DMD: variants seen among roughly 807,000 people sequenced by gnomAD.
DMD encodes the protein dystrophin, also known as mutant dystrophin.
Under a neutral mutation model 330.1 loss-of-function variants are expected in DMD, and 63 were observed. That is an observed-to-expected ratio of 0.19 (90% CI 0.16 to 0.24). DMD has a LOEUF of 0.24. Ranked by LOEUF, DMD falls within the 10% of genes least tolerant of loss-of-function variation. The probability of loss-of-function intolerance (pLI) is 1.00; values close to 1 mark genes in which losing one functional copy is unlikely to be tolerated. For missense variants in DMD, 3,344 were observed against 2,684.1 expected (o/e 1.25, Z -5.43); for synonymous variants, 1,223 against 959.8 (o/e 1.27, Z -5.07).
chrX:31,515,228 C>T (rs763359332), intron 55 of DMD, among the ~76,000 whole-genome samples: 47 of 111,425 alleles, frequency 4.2e-4, no homozygotes, highest in Non-Finnish European at 7.7e-4. Flanking sequence ...AACCATTAAG[C>T]AGATGGTTGT....
chrX:32,184,295 A>T (rs1300472940), intron 44 of DMD, among the ~76,000 whole-genome samples: 2 of 111,157 alleles, frequency 1.8e-5, no homozygotes, highest in South Asian at 7.4e-4. Context: ...TAAACATAAA[A>T]ATAAAATTTT....
At chrX:32,535,894 C>T (rs940877703) in intron 17 of DMD, among the ~76,000 whole-genome samples, 9 of 111,536 alleles carry the variant, frequency 8.1e-5, no homozygotes, top group Non-Finnish European at 1.5e-4. Context: ...TCCCTCAAGG[C>T]GTTTACTGGA....
intron 48 of DMD, among the ~76,000 whole-genome samples, chrX:31,863,293 A>T (rs1414410864): frequency 2.7e-5 from 3 of 112,449 alleles, no homozygotes; most frequent in African/African-American, 9.7e-5. Context: ...CAGTGAGCTG[A>T]GATCACGCCA....
chrX:32,598,947 A>G (rs1350542108), intron 12 of DMD, among the ~76,000 whole-genome samples: 1 of 112,032 alleles, frequency 8.9e-6, no homozygotes, highest in Non-Finnish European at 1.9e-5. Context: ...AGAACGTTGA[A>G]GAGTCCAGAG....
At chrX:33,188,481 A>G (rs2050371244) in intron 1 of DMD, among the ~76,000 whole-genome samples, 2 of 110,303 alleles carry the variant, frequency 1.8e-5, no homozygotes, top group Admixed American at 2.0e-4. Context: ...TACTGACAGC[A>G]GTCCTCAGTA....
intron 53 of DMD, among the ~76,000 whole-genome samples, chrX:31,678,540 T>C (rs2082205421): frequency 8.9e-6 from 1 of 112,170 alleles, no homozygotes; most frequent in South Asian, 3.7e-4. Flanking sequence ...CTTTTTCTTT[T>C]ATCCTGAGGA....
intron 47 of DMD, among the ~76,000 whole-genome samples, chrX:31,887,809 C>A (rs1402439093): frequency 1.8e-5 from 2 of 112,244 alleles, no homozygotes; most frequent in Non-Finnish European, 3.8e-5. Flanking sequence ...CACATACACA[C>A]AGCCACAATT....
At chrX:31,885,912 A>G (rs1427613403) in intron 47 of DMD, among the ~76,000 whole-genome samples, 1 of 111,169 alleles carries the variant, frequency 9.0e-6, no homozygotes, top group Non-Finnish European at 1.9e-5. Context: ...AATGCTTATC[A>G]AATGCATTTT....
intron 44 of DMD, among the ~76,000 whole-genome samples, chrX:32,048,820 A>G (rs1262734456): frequency 3.6e-5 from 4 of 111,164 alleles, no homozygotes; most frequent in Non-Finnish European, 7.6e-5. Flanking sequence ...GATTTACCCT[A>G]AAATTTTCAA....
intron 45 of DMD, among the ~76,000 whole-genome samples, chrX:31,954,142 C>T (rs2095218413): frequency 1.8e-5 from 2 of 111,427 alleles, no homozygotes; most frequent in Non-Finnish European, 3.8e-5. Flanking sequence ...CAGGGTCCCA[C>T]GTGACCCATA....
chrX:32,057,299 A>C (rs1408416523), intron 44 of DMD, among the ~76,000 whole-genome samples: 1 of 111,462 alleles, frequency 9.0e-6, no homozygotes, highest in Non-Finnish European at 1.9e-5. Context: ...AATAAAATAC[A>C]TCAAATTTGG....
chrX:32,827,065 C>T (rs56342103), intron 4 of DMD, among the ~76,000 whole-genome samples: 1 of 68,986 alleles, frequency 1.4e-5, no homozygotes, highest in Non-Finnish European at 2.6e-5. Context: ...CACCCCCCCC[C>T]CACACACACA....
At chrX:32,398,775 A>G (rs2098064759) in intron 30 of DMD, among the ~76,000 whole-genome samples, 1 of 111,743 alleles carries the variant, frequency 8.9e-6, no homozygotes, top group Non-Finnish European at 1.9e-5. Context: ...CAGACCCAGA[A>G]TAGCCAAATA....
chrX:33,158,857 T>C (rs144917356), intron 1 of DMD, among the ~76,000 whole-genome samples: 51 of 112,059 alleles, frequency 4.6e-4, no homozygotes, highest in African/African-American at 1.5e-3. Context: ...AGGACTCTCA[T>C]TTATCAATCA....
At chrX:31,235,466 A>T (rs947718301) in intron 63 of DMD, among the ~76,000 whole-genome samples, 1 of 112,174 alleles carries the variant, frequency 8.9e-6, no homozygotes, top group Admixed American at 9.4e-5. Context: ...AAATAGCTTT[A>T]TTTTTCATTC....
intron 2 of DMD, among the ~76,000 whole-genome samples, chrX:32,974,596 AT>A (rs2092484060): frequency 9.0e-6 from 1 of 110,900 alleles, no homozygotes; most frequent in Non-Finnish European, 1.9e-5. Context: ...GGGTTTGTTC[AT>A]TTTTGTTTTA....
chrX:32,772,888 G>C lies in DMD; in HGVS notation c.649+36605C>G, dbSNP rs746445485. ...ATATCAAATTGTTTAAGCTCAAGTA[G>C]ATTTACAGAAACTCGGGCAAACTCA... On this transcript the variant is annotated intron_variant, in intron 7 of 78. Coordinates refer to ENST00000357033, the MANE Select transcript of DMD (RefSeq NM_004006.3). Among the ~76,000 whole-genome samples the C allele has an allele frequency of 4.2e-4, 46 of 109,838 alleles. No homozygotes were observed. In the South Asian group the frequency reaches 7.4e-3, roughly 18 times the overall value.
chrX:31,530,647 C>CTTTTTTTTTTTTTTTTTTTTTTATT (rs2073684904), intron 55 of DMD, among the ~76,000 whole-genome samples: 3 of 49,845 alleles, frequency 6.0e-5, no homozygotes, highest in Admixed American at 2.6e-4. Flanking sequence ...ACTGGTTTCT[C>CTTTTTTTTTTTTTTTTTTTTTTATT]TTTTTTTTTT....
chrX:33,096,174 C>G (rs1289998351), intron 1 of DMD, among the ~76,000 whole-genome samples: 53 of 109,339 alleles, frequency 4.8e-4, no homozygotes, highest in African/African-American at 1.7e-3. Flanking sequence ...CGGGGTTTCA[C>G]CATGTTAGCC....
Sources: allele counts gnomAD v4.1 joint callset (sites outside exome capture counted in the v4.1 genomes callset), GRCh38; gene constraint gnomAD v4.1.1; transcripts MANE v1.5; gene names NCBI Gene and HGNC (gene_info 2026-07-23, HGNC 2026-07-21).